MGAT4C: variants seen among roughly 807,000 people sequenced by gnomAD.
The protein encoded by MGAT4C is MGAT4 family member C.
Under a neutral mutation model 40.1 loss-of-function variants are expected in MGAT4C, and 19 were observed. The ratio of observed to expected loss-of-function variants is 0.47; its 90% CI spans 0.33 to 0.70. The LOEUF (loss-of-function observed/expected upper bound fraction) is 0.70, where lower values mean the gene tolerates loss of function less well. Among genes scored for constraint, MGAT4C ranks in the 30% least tolerant of loss-of-function variants. The pLI is 0.02. For synonymous variants in MGAT4C, 181 were observed against 187.1 expected, an observed-to-expected ratio of 0.97 and a Z score of 0.27; for missense variants, 491 against 563.2, an observed-to-expected ratio of 0.87 and a Z score of 1.30.
intron 2 of MGAT4C, among the ~76,000 whole-genome samples, chr12:86,572,784 C>CTGCT (rs1442270131): frequency 6.6e-6 from 1 of 151,960 alleles, no homozygotes; most frequent in African/African-American, 2.4e-5. Flanking sequence ...AGTGTTCTGT[C>CTGCT]CTCTTTTTCA....
intron 2 of MGAT4C, among the ~76,000 whole-genome samples, chr12:86,511,737 A>T (rs1958591370): frequency 1.3e-5 from 2 of 152,146 alleles, no homozygotes; most frequent in Non-Finnish European, 2.9e-5. Flanking sequence ...CACCGCACAC[A>T]CAAGTCAATG....
chr12:86,056,732 C>T (rs11117172), intron 1 of MGAT4C, among the ~76,000 whole-genome samples: 34 of 152,022 alleles, frequency 2.2e-4, no homozygotes, highest in Non-Finnish European at 4.4e-4. Context: ...TATTTATAAT[C>T]CGTTGGGTAT....
Position 86,170,511 on chromosome 12 carries a change from GC to G in MGAT4C, c.-57+85727del, listed in dbSNP as rs568044742. Among the ~76,000 whole-genome samples the G allele has an allele frequency of 1.8e-4, 28 of 152,258 alleles. No individual in the cohort carries two copies. In the South Asian group the frequency reaches 5.8e-3, roughly 32 times the overall value. ...ATAATGTTATGCATTAGTACTGTGT[GC>G]TAACTGGTTTGCAAACATTGTTTCA... On this transcript the variant is annotated intron_variant, in intron 1 of 4. Coordinates refer to ENST00000611864, the MANE Select transcript of MGAT4C (RefSeq NM_001351288.2).
chr12:86,033,766 T>C (rs1890974435), intron 2 of MGAT4C, among the ~76,000 whole-genome samples: 1 of 149,730 alleles, frequency 6.7e-6, no homozygotes. Context: ...CTGATTACTC[T>C]GGCTAAGACT....
At chr12:86,782,231 G>A (rs1041814059) in intron 1 of MGAT4C, among the ~76,000 whole-genome samples, 2 of 132,662 alleles carry the variant, frequency 1.5e-5, no homozygotes, top group African/African-American at 5.7e-5. Flanking sequence ...GCCCAGGCTG[G>A]AGTGCAGTGG....
chr12:86,838,662 G>C (rs76409639), intron 1 of MGAT4C: 1,568 of 152,186 alleles, frequency 0.01, 10 homozygotes, highest in Non-Finnish European at 0.017. Context: ...AAATAACTAC[G>C]TACCTTCAGA....
chr12:86,223,873 C>T (rs1719288526), intron 1 of MGAT4C, among the ~76,000 whole-genome samples: 2 of 152,170 alleles, frequency 1.3e-5, no homozygotes, highest in South Asian at 4.1e-4. Flanking sequence ...GCCTACCCAC[C>T]CTGTTGCAGT....
chr12:85,967,102 G>A lies in MGAT4C; in HGVS notation c.*12187C>T, dbSNP rs189727485. On this transcript the variant is annotated 3_prime_UTR_variant, in exon 5 of 5. Coordinates refer to ENST00000611864, the MANE Select transcript of MGAT4C (RefSeq NM_001351288.2). ...TTTTTTTGAATTCACAAACTTGCAG[G>A]ATGAAAAAAGTTATTAGTTCCTGAA... 1 of 152,112 alleles carries A rather than the reference G, an allele frequency of 6.6e-6. No homozygotes were observed. The highest frequency in any genetic ancestry group is 2.4e-5 in the African/African-American group (1 of 41,510). 9.4% of individuals were successfully genotyped at this position (152,112 alleles called of 1,614,324 possible).
intron 2 of MGAT4C, among the ~76,000 whole-genome samples, chr12:86,034,024 T>C (rs1890994884): frequency 1.3e-5 from 2 of 149,788 alleles, no homozygotes; most frequent in African/African-American, 4.9e-5. Context: ...TGTGTTTTTG[T>C]TTTTAGTTCT....
At chr12:86,672,800 C>T (rs1240974767) in intron 2 of MGAT4C, among the ~76,000 whole-genome samples, 3 of 152,090 alleles carry the variant, frequency 2.0e-5, no homozygotes, top group Non-Finnish European at 4.4e-5. Context: ...CTGTTAAATA[C>T]TATGCTTACT....
chr12:86,490,048 A>G (rs544904981), intron 2 of MGAT4C, among the ~76,000 whole-genome samples: 2 of 152,240 alleles, frequency 1.3e-5, no homozygotes, highest in South Asian at 4.1e-4. Flanking sequence ...GCAGGCCAAC[A>G]CTCAGATTCA....
chr12:86,732,793 A>T (rs1368382386), intron 1 of MGAT4C, among the ~76,000 whole-genome samples: 3 of 151,136 alleles, frequency 2.0e-5, no homozygotes, highest in African/African-American at 7.3e-5. Flanking sequence ...CTGTTTTAAC[A>T]TATTCAGCAT....
At chr12:86,711,721 T>C (rs1950558930) in intron 2 of MGAT4C, among the ~76,000 whole-genome samples, 1 of 152,308 alleles carries the variant, frequency 6.6e-6, no homozygotes. Context: ...ATTAAATTGC[T>C]AATATATTAA....
At chr12:86,491,142 G>T (rs1958124631) in intron 2 of MGAT4C, among the ~76,000 whole-genome samples, 1 of 152,032 alleles carries the variant, frequency 6.6e-6, no homozygotes, top group Non-Finnish European at 1.5e-5. Flanking sequence ...CTGAAATTGT[G>T]GCAATAATCA....
At chr12:86,109,526 G>A (rs1407799517) in intron 1 of MGAT4C, among the ~76,000 whole-genome samples, 1 of 151,842 alleles carries the variant, frequency 6.6e-6, no homozygotes, top group African/African-American at 2.4e-5. Flanking sequence ...TAATTATATA[G>A]ATTAGCTTTG....
intron 3 of MGAT4C, among the ~76,000 whole-genome samples, chr12:86,362,893 G>A (rs1261418770): frequency 3.4e-5 from 5 of 145,948 alleles, no homozygotes. Context: ...AAGCATATGA[G>A]GGTGTATATA....
intron 1 of MGAT4C, among the ~76,000 whole-genome samples, chr12:86,139,457 A>T (rs548712222): frequency 1.3e-5 from 2 of 152,008 alleles, no homozygotes; most frequent in African/African-American, 4.8e-5. Context: ...AACTTTTTTC[A>T]CTCAAAATTA....
chr12:85,960,679 T>G lies in MGAT4C; in HGVS notation c.*18610A>C, dbSNP rs1005257439. On this transcript the variant is annotated 3_prime_UTR_variant, in exon 5 of 5. Transcript: ENST00000611864. ...CAAAGTGGGTAATGAGAAAACTACT[T>G]TGAAGACTGTGCTGAAGGAAATGAT... 8 of 151,938 alleles carry G rather than the reference T, an allele frequency of 5.3e-5. No homozygotes were observed. The highest frequency in any genetic ancestry group is 1.3e-4 in the Admixed American group (2 of 15,230). The allele number at this position is 151,938 out of a possible 1,614,324, so 9.4% of individuals were successfully genotyped here.
chr12:86,105,201 T>G (rs1357713249), intron 1 of MGAT4C, among the ~76,000 whole-genome samples: 1 of 152,134 alleles, frequency 6.6e-6, no homozygotes, highest in Non-Finnish European at 1.5e-5. Context: ...ATCTGAGGAG[T>G]GATCGTTTTG....
Sources: gnomAD v4.1 joint callset for allele counts (sites outside exome capture counted in the v4.1 genomes callset) on GRCh38, gnomAD v4.1.1 for gene constraint, MANE v1.5 for transcripts, NCBI Gene and HGNC (gene_info 2026-07-23, HGNC 2026-07-21) for gene names.